Variants in DCLK1 observed in about 807,000 individuals in gnomAD.
The protein encoded by DCLK1 is doublecortin like kinase 1.
A neutral mutation model predicts 86.2 loss-of-function variants in DCLK1; 16 were observed. The ratio of observed to expected loss-of-function variants is 0.19; its 90% CI spans 0.13 to 0.28. DCLK1 has a LOEUF of 0.28. Ranked by LOEUF, DCLK1 falls within the 10% of genes least tolerant of loss-of-function variation. The pLI is 1.00. For synonymous variants in DCLK1, 369 were observed against 370.5 expected, an observed-to-expected ratio of 1.00 and a Z score of 0.05; for missense variants, 590 against 940.2, an observed-to-expected ratio of 0.63 and a Z score of 4.87.
At chr13:35,890,183 C>G (rs917689750) in intron 4 of DCLK1, among the ~76,000 whole-genome samples, 1 of 152,050 alleles carries the variant, frequency 6.6e-6, no homozygotes, top group African/African-American at 2.4e-5. Context: ...CTCTCTCCCC[C>G]ACTTCCTCTC....
rs140195622 is a variant in DCLK1 at position 36,105,079 on chromosome 13, G to A, written c.723+6790C>T. Among the ~76,000 whole-genome samples, 14 of 152,190 alleles carry A rather than the reference G, an allele frequency of 9.2e-5. No individual in the cohort carries two copies. The East Asian group carries it at 2.7e-3, about 30-fold the overall frequency. ...CATTATTATGCCATCTTAAAGAAGAGGAAATTGAGATTCAGAGAGTTTAAC... is the reference window on the plus strand; with the variant it reads ...CATTATTATGCCATCTTAAAGAAGAAGAAATTGAGATTCAGAGAGTTTAAC... On this transcript the variant is annotated intron_variant, in intron 3 of 16. Coordinates refer to ENST00000360631, the MANE Select transcript of DCLK1 (RefSeq NM_001330071.2).
chr13:35,789,764 T>C (rs2086680427), intron 16 of DCLK1, among the ~76,000 whole-genome samples: 1 of 152,202 alleles, frequency 6.6e-6, no homozygotes. Flanking sequence ...GCTGAGCAAA[T>C]CTAATAATGC....
intron 4 of DCLK1, among the ~76,000 whole-genome samples, chr13:35,926,468 T>C (rs974527454): frequency 3.3e-5 from 5 of 152,246 alleles, no homozygotes; most frequent in Admixed American, 2.6e-4. Flanking sequence ...GCAGCCCTTG[T>C]ACCATTTTCC....
intron 3 of DCLK1, among the ~76,000 whole-genome samples, chr13:36,072,939 T>C (rs1273201553): frequency 2.0e-5 from 3 of 152,238 alleles, no homozygotes; most frequent in African/African-American, 7.2e-5. Flanking sequence ...GATCTCATTA[T>C]AATTCATGCG....
chr13:35,849,817 A>T (rs1241173448), intron 6 of DCLK1: 3 of 985,126 alleles, frequency 3.0e-6, no homozygotes, highest in Non-Finnish European at 3.6e-6. Context: ...TGCTTTTCAA[A>T]TGGATTTCTT....
At position 35,819,781 on chromosome 13, in the gene DCLK1, A is replaced by T. The variant is rs369605004; in HGVS notation, c.1554+2948T>A. 2.7e-4 allele frequency among the ~76,000 whole-genome samples: 38 copies of T among 139,178 alleles called. No homozygotes were observed. In the South Asian group the frequency reaches 8.2e-3, roughly 30 times the overall value. The allele number at this position is 139,178 out of a possible 152,430, so 91.3% of individuals were successfully genotyped here. A position where few individuals can be genotyped will look rare whatever the true frequency, so the allele number is the denominator to read the frequency against. ...AATAGTAAAATTTCTAAAGCAATAT[A>T]AAAAAAAAAGGGTTAAAAAGTGATT... is the stretch of plus-strand genomic sequence containing the variant. On this transcript the variant is annotated intron_variant, in intron 11 of 16. Coordinates refer to ENST00000360631, the MANE Select transcript of DCLK1 (RefSeq NM_001330071.2).
intron 15 of DCLK1, among the ~76,000 whole-genome samples, chr13:35,802,515 T>C (rs185771600): frequency 6.6e-6 from 1 of 152,274 alleles, no homozygotes; most frequent in East Asian, 1.9e-4. Context: ...TGGTAAGCTT[T>C]TATTTTTTTT....
intron 4 of DCLK1, among the ~76,000 whole-genome samples, chr13:35,880,512 T>C (rs964413402): frequency 3.9e-5 from 6 of 152,214 alleles, no homozygotes. Flanking sequence ...CAAGAGATTA[T>C]GCTTTTCTTA....
chr13:36,077,201 T>G (rs959023270), intron 3 of DCLK1, among the ~76,000 whole-genome samples: 3 of 152,232 alleles, frequency 2.0e-5, no homozygotes, highest in Admixed American at 6.5e-5. Context: ...GACACTGCTA[T>G]AAAGTCTTAA....
At chr13:35,831,172 C>T (rs142391658) in intron 8 of DCLK1, among the ~76,000 whole-genome samples, 1 of 152,190 alleles carries the variant, frequency 6.6e-6, no homozygotes, top group African/African-American at 2.4e-5. Context: ...CCTTCCATTA[C>T]ATCTACTCAT....
chr13:35,996,908 A>G (rs1880503165), intron 3 of DCLK1, among the ~76,000 whole-genome samples: 1 of 152,150 alleles, frequency 6.6e-6, no homozygotes. Flanking sequence ...AGCTATAGCT[A>G]TTTACTCAGA....
At chr13:35,957,449 A>G (rs1878053409) in intron 3 of DCLK1, among the ~76,000 whole-genome samples, 2 of 152,204 alleles carry the variant, frequency 1.3e-5, no homozygotes, top group South Asian at 4.1e-4. Flanking sequence ...GCTGAGACCT[A>G]TGATGTGTGA....
chr13:36,014,009 G>C (rs996261209), intron 3 of DCLK1, among the ~76,000 whole-genome samples: 10 of 152,186 alleles, frequency 6.6e-5, no homozygotes, highest in Admixed American at 5.9e-4. Flanking sequence ...ACTCGGAAAG[G>C]GAACTCCCTG....
Position 35,806,605 on chromosome 13 carries a change from G to A in DCLK1, c.1864-826C>T, listed in dbSNP as rs77981304. Among the ~76,000 whole-genome samples, 243 of 152,320 alleles carry A rather than the reference G, an allele frequency of 1.6e-3. 7 individuals are homozygous for A. In the East Asian group the frequency reaches 0.042, roughly 26 times the overall value. ...CTTTATAGTACCACTCGGGAAGGGG[G>A]TGATTTAATTTCATTGAGGGAGAGA... On this transcript the variant is annotated intron_variant, in intron 14 of 16. Coordinates refer to ENST00000360631, the MANE Select transcript of DCLK1 (RefSeq NM_001330071.2).
chr13:35,918,667 C>A (rs1029895984), intron 4 of DCLK1, among the ~76,000 whole-genome samples: 14 of 152,030 alleles, frequency 9.2e-5, no homozygotes, highest in Non-Finnish European at 1.9e-4. Context: ...GAGCAGTGAA[C>A]CCCCAGGAAA....
intron 16 of DCLK1, among the ~76,000 whole-genome samples, chr13:35,777,853 T>C (rs1380276207): frequency 1.3e-5 from 2 of 152,198 alleles, no homozygotes; most frequent in East Asian, 3.9e-4. Context: ...TTAGAGAAAG[T>C]ATTTTAGGAA....
chr13:35,868,660 T>C (rs1872035217), intron 5 of DCLK1, among the ~76,000 whole-genome samples: 2 of 152,210 alleles, frequency 1.3e-5, no homozygotes, highest in Admixed American at 6.5e-5. Context: ...TAGGCTCTCA[T>C]TCTCTTTCAC....
chr13:35,779,648 T>A (rs973258469), intron 16 of DCLK1, among the ~76,000 whole-genome samples: 11 of 152,208 alleles, frequency 7.2e-5, no homozygotes, highest in African/African-American at 2.7e-4. Flanking sequence ...AGTCAATATT[T>A]AAGACTATAA....
intron 3 of DCLK1, among the ~76,000 whole-genome samples, chr13:35,966,042 C>G (rs1398091980): frequency 1.3e-5 from 2 of 152,202 alleles, no homozygotes; most frequent in African/African-American, 4.8e-5. Flanking sequence ...CATGAAAAAA[C>G]TTTTTTGAAA....
Sources: allele counts gnomAD v4.1 joint callset (sites outside exome capture counted in the v4.1 genomes callset), GRCh38; gene constraint gnomAD v4.1.1; transcripts MANE v1.5; gene names NCBI Gene and HGNC (gene_info 2026-07-23, HGNC 2026-07-21).